Variants in ELL observed in about 807,000 individuals in gnomAD.
The protein encoded by ELL is RNA polymerase II elongation factor ELL.
In ELL, 18 loss-of-function variants were observed where a neutral mutation model predicts 64.0. The observed-to-expected ratio is 0.28, with a 90% CI of 0.19 to 0.42. ELL has a LOEUF of 0.42. ELL is among the 10% of genes least tolerant of loss of function. The pLI is 1.00. For synonymous variants in ELL, 399 were observed against 376.2 expected, an observed-to-expected ratio of 1.06 and a Z score of -0.70; for missense variants, 797 against 870.4, an observed-to-expected ratio of 0.92 and a Z score of 1.06.
At chr19:18,517,093 A>T (rs889955734) in intron 1 of ELL, among the ~76,000 whole-genome samples, 2 of 152,042 alleles carry the variant, frequency 1.3e-5, no homozygotes, top group African/African-American at 4.8e-5. Flanking sequence ...TGCCCCTGGG[A>T]GGGTCACTTC....
intron 1 of ELL, among the ~76,000 whole-genome samples, chr19:18,484,671 C>A (rs763325033): frequency 6.6e-6 from 1 of 152,200 alleles, no homozygotes; most frequent in African/African-American, 2.4e-5. Flanking sequence ...ATAACAAAAC[C>A]GGCAAGGAAG....
intron 1 of ELL, among the ~76,000 whole-genome samples, chr19:18,492,945 C>T (rs557648128): frequency 1.3e-5 from 2 of 152,212 alleles, no homozygotes; most frequent in Admixed American, 6.5e-5. Context: ...TCCCCCACTC[C>T]TCTCATGATT....
chr19:18,485,901 G>A (rs1975403367), intron 1 of ELL, among the ~76,000 whole-genome samples: 1 of 151,762 alleles, frequency 6.6e-6, no homozygotes, highest in Non-Finnish European at 1.5e-5. Context: ...CAGGAGAATT[G>A]CTTGAACCCA....
chr19:18,465,706 G>A, intron 3 of ELL, 91 bp downstream of exon 3: 1 of 1,460,826 alleles, frequency 6.8e-7, no homozygotes, highest in Non-Finnish European at 9.1e-7. Context: ...AGGCAATATG[G>A]TTTCAATGGG....
chr19:18,506,435 A>G (rs1463694347), intron 1 of ELL, among the ~76,000 whole-genome samples: 1 of 152,226 alleles, frequency 6.6e-6, no homozygotes, highest in Non-Finnish European at 1.5e-5. Context: ...ATCAGCCCAG[A>G]CTTCTGCTCG....
chr19:18,488,914 G>A (rs1478175119), intron 1 of ELL, among the ~76,000 whole-genome samples: 1 of 152,196 alleles, frequency 6.6e-6, no homozygotes, highest in Non-Finnish European at 1.5e-5. Flanking sequence ...CTCTTCACAG[G>A]CGCAGGTCAT....
chr19:18,471,395 C>G, intron 2 of ELL: 2 of 442,340 alleles, frequency 4.5e-6, no homozygotes, highest in Non-Finnish European at 4.5e-6. Context: ...CAAGGCTGGG[C>G]GTGGTGGCTC....
At chr19:18,519,559 C>A (rs1976208054) in intron 1 of ELL, among the ~76,000 whole-genome samples, 1 of 152,206 alleles carries the variant, frequency 6.6e-6, no homozygotes, top group Non-Finnish European at 1.5e-5. Flanking sequence ...GTAGTCCCAG[C>A]ACTTTTAGAG....
rs139131965 is a variant in ELL, at chr19:18,473,910, G to A, written c.136-1028C>T. On this transcript the variant is annotated intron_variant, in intron 1 of 11. Transcript: ENST00000262809. ...CTCATAGTACCCCGTCCTGGGCTCC[G>A]TCTCCACTGCTCAGGTCTCACTCCC... 3.6e-3 allele frequency among the ~76,000 whole-genome samples: 550 copies of A among 152,090 alleles called. 5 individuals carry two copies. The highest frequency in any genetic ancestry group is 0.013 in the African/African-American group (521 of 41,484).
At chr19:18,519,817 AAAAAAAAGAAAG>A in intron 1 of ELL, among the ~76,000 whole-genome samples, 1 of 150,370 alleles carries the variant, frequency 6.7e-6, no homozygotes, top group Non-Finnish European at 1.5e-5. Flanking sequence ...AAAAAAAAAA[AAAAAAAAGAAAG>A]AAAGAAAGAA....
intron 1 of ELL, among the ~76,000 whole-genome samples, chr19:18,496,759 T>C (rs1975663028): frequency 6.6e-6 from 1 of 152,236 alleles, no homozygotes; most frequent in South Asian, 2.1e-4. Flanking sequence ...AACCTGTGGC[T>C]GTGGCCCGTC....
In ELL at chr19:18,444,777, T is replaced by A; in HGVS notation, c.1841A>T (p.Gln614Leu). The A allele has an allele frequency of 6.2e-7, 1 of 1,607,624 alleles. No homozygotes were observed. The highest frequency in any genetic ancestry group is 8.5e-7 in the Non-Finnish European group (1 of 1,179,290). Residue 614 changes from glutamine (Q) to leucine (L), a missense_variant, in exon 12 of 12, where the codon CAG (glutamine) becomes CTG (leucine). Gln to Leu is a moderately radical substitution (Grantham distance 113). Transcript: ENST00000262809. ...CTAGGGCCAAGCCTGCAGCTGCCGCTGGTCGTACTCGGCGATGAGCCTCTT... is the reference window on the plus strand; with the variant it reads ...CTAGGGCCAAGCCTGCAGCTGCCGCAGGTCGTACTCGGCGATGAGCCTCTT... Reference protein sequence around the residue: ...HIKRLIAEYDQRQLQAWP With the variant: ...HIKRLIAEYDLRQLQAWP
intron 8 of ELL, 109 bp from the exon 9 acceptor site, chr19:18,446,923 G>T (rs1974429523): frequency 2.6e-6 from 3 of 1,175,324 alleles, no homozygotes; most frequent in South Asian, 2.6e-5. Context: ...CTGCTGGAGG[G>T]ACATAGAGGG....
chr19:18,452,579 T>A (rs1161182827), intron 6 of ELL, among the ~76,000 whole-genome samples: 2 of 152,052 alleles, frequency 1.3e-5, no homozygotes, highest in African/African-American at 4.8e-5. Flanking sequence ...ATCCAGAGAA[T>A]CCAGGGCCCA....
intron 2 of ELL, chr19:18,470,874 C>T (rs956370130): frequency 4.5e-6 from 2 of 447,792 alleles, no homozygotes; most frequent in Non-Finnish European, 9.0e-6. Context: ...CTCCCCAGCC[C>T]ACAGTCGTCT....
chr19:18,492,995 C>T (rs576734998), intron 1 of ELL, among the ~76,000 whole-genome samples: 20 of 152,210 alleles, frequency 1.3e-4, no homozygotes, highest in Admixed American at 4.6e-4. Context: ...TTGCTTCCCA[C>T]TCTCCAAATG....
rs112622327 is a variant in ELL at position 18,448,009 on chromosome 19, C to T, written c.1466-1195G>A. 8.0e-3 allele frequency among the ~76,000 whole-genome samples: 1,212 copies of T among 152,114 alleles called. 17 individuals carry two copies. The highest frequency in any genetic ancestry group is 0.027 in the African/African-American group (1,131 of 41,484). ...CTGTGTTGCCCAGGCTGGTCTGAAA[C>T]TCCTGACCTCAAGCAATCCTCCTGA... On this transcript the variant is annotated intron_variant, in intron 8 of 11. Transcript: ENST00000262809.
At chr19:18,487,202 C>T (rs899034183) in intron 1 of ELL, among the ~76,000 whole-genome samples, 2 of 152,208 alleles carry the variant, frequency 1.3e-5, no homozygotes, top group Admixed American at 6.5e-5. Context: ...CATAAAAACC[C>T]ATTGAGGGCT....
At chr19:18,515,698 C>T (rs551990075) in intron 1 of ELL, among the ~76,000 whole-genome samples, 1 of 152,228 alleles carries the variant, frequency 6.6e-6, no homozygotes, top group African/African-American at 2.4e-5. Flanking sequence ...CTCACGTCAC[C>T]AAGGTTCGGG....
Sources: gnomAD v4.1 joint callset for allele counts (sites outside exome capture counted in the v4.1 genomes callset) on GRCh38, gnomAD v4.1.1 for gene constraint, MANE v1.5 for transcripts, NCBI Gene and HGNC (gene_info 2026-07-23, HGNC 2026-07-21) for gene names.